PABPC4L: variants seen among roughly 807,000 people sequenced by gnomAD.
PABPC4L encodes poly(A) binding protein cytoplasmic 4 like.
For synonymous variants in PABPC4L, 169 were observed against 164.1 expected (o/e 1.03, Z -0.23); for missense variants, 452 against 451.4 (o/e 1.00, Z -0.01).
At chr4:134,035,520 C>T in the PABPC4L span, among the ~76,000 whole-genome samples, 1 of 151,836 alleles carries the variant, frequency 6.6e-6, no homozygotes, top group East Asian at 1.9e-4. Context: ...AATTTGTGTG[C>T]TTCATGTTTG....
chr4:134,149,348 G>A, the PABPC4L span, among the ~76,000 whole-genome samples: 1 of 152,166 alleles, frequency 6.6e-6, no homozygotes, highest in South Asian at 2.1e-4. Context: ...ACACTGGAAT[G>A]AACTAGCGAA....
At chr4:133,965,408 A>C in the PABPC4L span, among the ~76,000 whole-genome samples, 3 of 152,178 alleles carry the variant, frequency 2.0e-5, no homozygotes, top group Admixed American at 2.0e-4. Context: ...AGCAATCTAC[A>C]AATTCAATGC....
At chr4:134,078,708 A>G in the PABPC4L span, among the ~76,000 whole-genome samples, 2 of 149,220 alleles carry the variant, frequency 1.3e-5, no homozygotes, top group Admixed American at 6.7e-5. Flanking sequence ...CAGGACTGCA[A>G]TGGGGCGATC....
the PABPC4L span, among the ~76,000 whole-genome samples, chr4:134,018,782 ATAAT>A: frequency 6.6e-6 from 1 of 152,256 alleles, no homozygotes; most frequent in African/African-American, 2.4e-5. Context: ...AAATTAAAAT[ATAAT>A]TAATTGATGA....
At chr4:134,146,107 T>C in the PABPC4L span, among the ~76,000 whole-genome samples, 6 of 151,566 alleles carry the variant, frequency 4.0e-5, no homozygotes, top group East Asian at 1.2e-3. Flanking sequence ...AAAATGTACA[T>C]GTATATTTTA....
chr4:134,116,296 C>T, the PABPC4L span, among the ~76,000 whole-genome samples: 1 of 151,716 alleles, frequency 6.6e-6, no homozygotes, highest in Non-Finnish European at 1.5e-5. Context: ...AGTAAATTGC[C>T]CATCAGCTTA....
the PABPC4L span, among the ~76,000 whole-genome samples, chr4:134,124,877 A>G: frequency 6.6e-6 from 1 of 152,054 alleles, no homozygotes; most frequent in African/African-American, 2.4e-5. Context: ...TCAGGCAGGT[A>G]CTGATAGTGA....
chr4:134,191,408 A>G (rs1365888143), downstream of PABPC4L, among the ~76,000 whole-genome samples: 2 of 152,180 alleles, frequency 1.3e-5, no homozygotes, highest in East Asian at 3.9e-4. Flanking sequence ...TCAAGTACAC[A>G]TGAAGCATTC....
At chr4:134,167,268 G>A in the PABPC4L span, among the ~76,000 whole-genome samples, 31,783 of 151,986 alleles carry the variant, frequency 0.21, 4,131 homozygotes, top group Non-Finnish European at 0.27. Flanking sequence ...CCACTCTAGT[G>A]GGGATATTGA....
At chr4:134,029,563 G>A in the PABPC4L span, among the ~76,000 whole-genome samples, 1 of 151,920 alleles carries the variant, frequency 6.6e-6, no homozygotes, top group South Asian at 2.1e-4. Context: ...TGTTTGCTTA[G>A]CTAGATATAC....
the PABPC4L span, among the ~76,000 whole-genome samples, chr4:133,995,029 C>CT: frequency 6.6e-6 from 1 of 152,114 alleles, no homozygotes; most frequent in Non-Finnish European, 1.5e-5. Flanking sequence ...GGTGGCCGCT[C>CT]TGAGAGAGAG....
At chr4:134,059,971 G>A in the PABPC4L span, among the ~76,000 whole-genome samples, 5 of 152,154 alleles carry the variant, frequency 3.3e-5, no homozygotes, top group Non-Finnish European at 1.5e-5. Flanking sequence ...TTGCATGGCT[G>A]ATGCCACTCC....
At chr4:134,119,449 G>C in the PABPC4L span, among the ~76,000 whole-genome samples, 362 of 151,630 alleles carry the variant, frequency 2.4e-3, 1 homozygote, top group African/African-American at 8.3e-3. Flanking sequence ...GTTGCCTTGA[G>C]GGTGTGGGGG....
the PABPC4L span, among the ~76,000 whole-genome samples, chr4:133,997,426 C>T: frequency 6.6e-6 from 1 of 151,852 alleles, no homozygotes; most frequent in African/African-American, 2.4e-5. Flanking sequence ...TTAATATTTT[C>T]ATGCCTGCTA....
chr4:134,156,900 A>G, the PABPC4L span, among the ~76,000 whole-genome samples: 2 of 151,884 alleles, frequency 1.3e-5, no homozygotes. Context: ...CTAATGTAAA[A>G]CAGTGCTGAG....
chr4:134,195,886 A>C (rs1247542122), downstream of PABPC4L, among the ~76,000 whole-genome samples: 2 of 151,676 alleles, frequency 1.3e-5, no homozygotes, highest in African/African-American at 4.8e-5. Context: ...TGCACTTGGG[A>C]GATACATATA....
chr4:134,025,994 T>G, the PABPC4L span, among the ~76,000 whole-genome samples: 1 of 152,310 alleles, frequency 6.6e-6, no homozygotes, highest in African/African-American at 2.4e-5. Flanking sequence ...CTATTTTATT[T>G]CCATGTTTAA....
the PABPC4L span, among the ~76,000 whole-genome samples, chr4:134,057,039 A>G: frequency 6.6e-6 from 1 of 152,038 alleles, no homozygotes; most frequent in Non-Finnish European, 1.5e-5. Context: ...CTTTATCAAG[A>G]TGAGTTAGTT....
the PABPC4L span, among the ~76,000 whole-genome samples, chr4:134,064,499 A>G: frequency 6.6e-6 from 1 of 152,094 alleles, no homozygotes; most frequent in African/African-American, 2.4e-5. Context: ...CAAATAATTT[A>G]AATGTGATCT....
Sources: allele counts gnomAD v4.1 joint callset (sites outside exome capture counted in the v4.1 genomes callset), GRCh38; gene constraint gnomAD v4.1.1; transcripts MANE v1.5; gene names NCBI Gene and HGNC (gene_info 2026-07-23, HGNC 2026-07-21).